The following SPINK5 variants were observed in gnomAD, a reference collection of about 807,000 sequenced individuals.
SPINK5 encodes the protein serine peptidase inhibitor Kazal type 5.
SPINK5 carries 125 observed loss-of-function variants against 151.8 expected under a neutral mutation model. The ratio of observed to expected loss-of-function variants is 0.82; its 90% CI spans 0.71 to 0.96. The LOEUF (loss-of-function observed/expected upper bound fraction) is 0.96. Ranked by LOEUF, SPINK5 falls within the 40% of genes least tolerant of loss-of-function variation. The pLI is 0.00. For synonymous variants in SPINK5, 374 were observed against 395.3 expected, an observed-to-expected ratio of 0.95 and a Z score of 0.64; for missense variants, 1,194 against 1,291.9, an observed-to-expected ratio of 0.92 and a Z score of 1.16.
In SPINK5 at chr5:148,136,631, C is replaced by T. The variant is rs75616844; in HGVS notation, c.3187-352C>T. On this transcript the variant is annotated intron_variant, in intron 32 of 32. Coordinates refer to ENST00000256084, the MANE Select transcript of SPINK5 (RefSeq NM_006846.4). ...TACAGGAAGTGAATTCAAGTTATGA[C>T]GTAACATGACAGTGGCAAGTTACTA... 8.2e-3 allele frequency among the ~76,000 whole-genome samples: 1,247 copies of T among 152,224 alleles called. 41 individuals are homozygous for T. The highest frequency in any genetic ancestry group is 0.054 in the Admixed American group (826 of 15,274).
Position 148,123,843 on chromosome 5 carries a change from G to C in SPINK5, c.2549G>C (p.Arg850Pro). 4.3e-6 allele frequency: 7 copies of C among 1,613,772 alleles called. No individual in the cohort carries two copies. The highest frequency in any genetic ancestry group is 5.9e-6 in the Non-Finnish European group (7 of 1,179,936). ...ERSNDKEDLC[R>P]EFRSMQRNGK... ...TGCTACTGTTGGTAGGATCTGTGTC[G>C]TGAATTTCGAAGCATGCAGAGAAAT... Residue 850 changes from arginine (R) to proline (P), a missense_variant, in exon 27 of 33, where the codon CGT becomes CCT. Coordinates refer to ENST00000256084, the MANE Select transcript of SPINK5 (RefSeq NM_006846.4).
intron 18 of SPINK5, among the ~76,000 whole-genome samples, chr5:148,109,907 T>G (rs893451806): frequency 8.5e-5 from 13 of 152,208 alleles, no homozygotes; most frequent in African/African-American, 2.7e-4. Context: ...CCACTTTTCA[T>G]AGGTCACATT....
chr5:148,107,787 T>C (rs1208091481), intron 17 of SPINK5, among the ~76,000 whole-genome samples: 2 of 152,208 alleles, frequency 1.3e-5, no homozygotes, highest in Non-Finnish European at 2.9e-5. Flanking sequence ...CTGAGTGGTG[T>C]AGGTAAGCCT....
Position 148,123,831 on chromosome 5 carries a change from A to G in SPINK5, c.2539-2A>G. 6.2e-7 allele frequency: 1 copy of G among 1,613,944 alleles called. No homozygotes were observed. The highest frequency in any genetic ancestry group is 8.5e-7 in the Non-Finnish European group (1 of 1,179,960). On this transcript the variant is annotated splice_acceptor_variant, in intron 26 of 32. Coordinates refer to ENST00000256084, the MANE Select transcript of SPINK5 (RefSeq NM_006846.4). LOFTEE classifies it high-confidence loss of function. The stretch of plus-strand genomic sequence containing the variant: ...AACAACTTTTTCTGCTACTGTTGGT[A>G]GGATCTGTGTCGTGAATTTCGAAGC...
intron 15 of SPINK5, among the ~76,000 whole-genome samples, chr5:148,104,366 G>T (rs886171403): frequency 6.6e-6 from 1 of 152,190 alleles, no homozygotes; most frequent in African/African-American, 2.4e-5. Context: ...ACATGCAAAA[G>T]AATCAGCAAA....
intron 26 of SPINK5, 143 bp from the exon 27 acceptor site, chr5:148,123,690 C>G: frequency 8.8e-7 from 1 of 1,139,578 alleles, no homozygotes; most frequent in Non-Finnish European, 1.3e-6. Context: ...GAATAAAGTG[C>G]CTTTAAAACA....
intron 15 of SPINK5, 107 bp downstream of exon 15, chr5:148,102,015 T>C: frequency 6.6e-7 from 1 of 1,525,300 alleles, no homozygotes; most frequent in Non-Finnish European, 9.0e-7. Context: ...CAGTGTAGCA[T>C]TCAGTCTTGG....
chr5:148,097,718 G>C (rs910719296), intron 10 of SPINK5, 149 bp from the exon 11 acceptor site: 6 of 677,810 alleles, frequency 8.9e-6, no homozygotes, highest in Non-Finnish European at 1.4e-5. Context: ...ATATTACAAG[G>C]AGAGAAATAT....
intron 18 of SPINK5, 72 bp from the exon 19 acceptor site, chr5:148,111,696 C>A: frequency 1.2e-6 from 2 of 1,606,546 alleles, no homozygotes; most frequent in Non-Finnish European, 1.7e-6. Context: ...GTTTTTAAAG[C>A]AGTATTGTGG....
chr5:148,099,455 T>A, intron 12 of SPINK5, 140 bp downstream of exon 12: 1 of 698,668 alleles, frequency 1.4e-6, no homozygotes, highest in Non-Finnish European at 2.5e-6. Context: ...TGAGATGAAT[T>A]ATATGGGAAG....
In SPINK5 at chr5:148,112,035, T is replaced by C. The variant is rs1581093249; in HGVS notation, c.1820+140T>C. The C allele has an allele frequency of 4.1e-6, 5 of 1,217,558 alleles. No individual in the cohort carries two copies. In the East Asian group the frequency reaches 9.8e-5, roughly 24 times the overall value. 75.4% of individuals were successfully genotyped at this position (1,217,558 alleles called of 1,614,324 possible). On this transcript the variant is annotated intron_variant, in intron 19 of 32. Transcript: ENST00000256084. ...TGCACTGAGTTTGGAAATTTACTAT[T>C]ATAAAGCCATATATTCAGCCCATTT...
intron 3 of SPINK5, 119 bp downstream of exon 3, chr5:148,070,569 G>A: frequency 7.7e-7 from 1 of 1,294,514 alleles, no homozygotes; most frequent in Non-Finnish European, 1.1e-6. Flanking sequence ...TTAAATAAAA[G>A]TGCTGAGCAG....
chr5:148,086,924 GTT>G (rs910718810), intron 5 of SPINK5, among the ~76,000 whole-genome samples: 1 of 140,028 alleles, frequency 7.1e-6, no homozygotes, highest in African/African-American at 2.7e-5. Flanking sequence ...TAATCTATAA[GTT>G]ATAGATTATA....
At chr5:148,090,125 T>A (rs1202193180) in intron 7 of SPINK5, among the ~76,000 whole-genome samples, 1 of 151,882 alleles carries the variant, frequency 6.6e-6, no homozygotes, top group Non-Finnish European at 1.5e-5. Flanking sequence ...TTAATCTTTA[T>A]CTGAGTGCCT....
rs779816682 is a variant in SPINK5, at chr5:148,133,845, G to C, written c.3144G>C (p.Glu1048Asp). Residue 1048 changes from glutamate (E) to aspartate (D), a missense_variant, in exon 32 of 33, where the codon GAG (glutamate) becomes GAC (aspartate). Physicochemically the swap from Glu to Asp is conservative, Grantham distance 45. Transcript: ENST00000256084. ...TCCGCAGTACAGGGAAGTGTGAGGA[G>C]AGCAGCACCCCAGGAACCACCGCAG... Reference protein sequence around the residue: ...THIRSTGKCEESSTPGTTAAS... With the variant: ...THIRSTGKCEDSSTPGTTAAS... 6.2e-7 allele frequency: 1 copy of C among 1,614,024 alleles called. No homozygotes were observed. Among genetic ancestry groups the C allele is most frequent in the Non-Finnish European group, 8.5e-7 (1 of 1,179,972 alleles).
intron 1 of SPINK5, 21 bp downstream of exon 1, chr5:148,064,120 C>G: frequency 4.3e-6 from 7 of 1,613,968 alleles, no homozygotes; most frequent in South Asian, 1.1e-5. Flanking sequence ...TGTGTGTAAT[C>G]TAAGCCTCTT....
chr5:148,126,983 T>A lies in SPINK5; in HGVS notation c.2868T>A (p.Phe956Leu), dbSNP rs1187866523. 6.2e-7 allele frequency: 1 copy of A among 1,609,420 alleles called. No individual in the cohort carries two copies. Among genetic ancestry groups the A allele is most frequent in the African/African-American group, 1.3e-5 (1 of 74,730 alleles). The change falls in exon 30 of 33, where the codon TTT becomes TTA. Residue 956 changes from phenylalanine to leucine, a missense_variant and splice_region_variant. Phe to Leu is a conservative substitution (Grantham distance 22). Transcript: ENST00000256084. ...AATTATTTTTTATTTTCTTCTCTAG[T>A]CTAACAGAAGCTTTGGAAAGGGCAA... ...TNKCYMCRAV[F>L]LTEALERAKL...
chr5:148,073,970 G>A (rs1752815061), intron 4 of SPINK5, among the ~76,000 whole-genome samples: 1 of 151,342 alleles, frequency 6.6e-6, no homozygotes, highest in Admixed American at 6.6e-5. Context: ...ATTAAGTTAA[G>A]GCAGTTAACA....
intron 16 of SPINK5, among the ~76,000 whole-genome samples, chr5:148,106,425 G>A (rs550253479): frequency 6.6e-6 from 1 of 151,766 alleles, no homozygotes; most frequent in Non-Finnish European, 1.5e-5. Context: ...GGGCTCAAGT[G>A]ATCCTCCCAC....
Sources: allele counts gnomAD v4.1 joint callset (sites outside exome capture counted in the v4.1 genomes callset), GRCh38; gene constraint gnomAD v4.1.1; transcripts MANE v1.5; gene names NCBI Gene and HGNC (gene_info 2026-07-23, HGNC 2026-07-21).